The following NXPE3 variants were observed in gnomAD, a reference collection of about 807,000 sequenced individuals.
NXPE3 encodes NXPE family member 3.
NXPE3 carries 26 observed loss-of-function variants against 46.1 expected under a neutral mutation model. That is an observed-to-expected ratio of 0.56 (90% confidence interval 0.41 to 0.78). NXPE3 has a LOEUF of 0.78. Ranked by LOEUF, NXPE3 falls within the 30% of genes least tolerant of loss-of-function variation. The pLI is 0.00. For missense variants in NXPE3, 620 were observed against 686.0 expected (o/e 0.90, Z 1.07); for synonymous variants, 272 against 257.9 (o/e 1.05, Z -0.52).
intron 4 of NXPE3, among the ~76,000 whole-genome samples, chr3:101,794,973 A>G (rs534122260): frequency 2.0e-5 from 3 of 152,314 alleles, no homozygotes; most frequent in Admixed American, 2.0e-4. Flanking sequence ...GGAGTGAGCT[A>G]TAAGCATTTT....
At position 101,782,122 on chromosome 3, in the gene NXPE3, T is replaced by C. The variant is rs1468470780; in HGVS notation, c.-485T>C. On this transcript the variant is annotated 5_prime_UTR_variant, in exon 2 of 8. Transcript: ENST00000273347. ...ATTTTTGTTTCAGCAAGAAGAATTG[T>C]ATAGAAATGTAAAAAACATTTATGT... 2 of 152,270 alleles carry C rather than the reference T, an allele frequency of 1.3e-5. No homozygotes were observed. The highest frequency in any genetic ancestry group is 3.9e-4 in the East Asian group (2 of 5,194). 9.4% of individuals were successfully genotyped at this position (152,270 alleles called of 1,614,324 possible).
intron 7 of NXPE3, among the ~76,000 whole-genome samples, chr3:101,820,259 A>G (rs1942186866): frequency 6.6e-6 from 1 of 152,244 alleles, no homozygotes; most frequent in African/African-American, 2.4e-5. Flanking sequence ...ACAGCCAACA[A>G]ACATATGAAG....
At chr3:101,801,199 A>T in intron 4 of NXPE3, 36 bp from the exon 5 acceptor site, 1 of 1,563,754 alleles carries the variant, frequency 6.4e-7, no homozygotes, top group Middle Eastern at 1.7e-4. Flanking sequence ...GACCTATTAT[A>T]GTGGTAATTT....
At chr3:101,815,487 C>G (rs1665749948) in intron 6 of NXPE3, among the ~76,000 whole-genome samples, 1 of 152,218 alleles carries the variant, frequency 6.6e-6, no homozygotes, top group Admixed American at 6.5e-5. Context: ...AAACTGTTCT[C>G]TTCTGGGAGA....
intron 1 of NXPE3, among the ~76,000 whole-genome samples, chr3:101,780,369 G>A (rs1939741867): frequency 6.6e-6 from 1 of 152,174 alleles, no homozygotes; most frequent in South Asian, 2.1e-4. Context: ...AGGAAACGAA[G>A]GGATAAATCA....
chr3:101,802,000 C>G lies in NXPE3; in HGVS notation c.848+11C>G, dbSNP rs773138681. ...TGCTTTCTTCCAGAGGTATGTACTG[C>G]TTTTTCTTGGGGATGATTTGAAGAG... is the stretch of plus-strand genomic sequence containing the variant. On this transcript the variant is annotated intron_variant, in intron 5 of 7. Transcript: ENST00000273347. 7 of 1,575,324 alleles carry G rather than the reference C, an allele frequency of 4.4e-6. No individual in the cohort carries two copies. The Admixed American group carries it at 1.1e-4, about 26-fold the overall frequency.
chr3:101,819,403 TAGAG>T, intron 7 of NXPE3, among the ~76,000 whole-genome samples: 1 of 152,092 alleles, frequency 6.6e-6, no homozygotes, highest in Non-Finnish European at 1.5e-5. Flanking sequence ...AAATACAACT[TAGAG>T]GGAGAAAAGG....
intron 6 of NXPE3, among the ~76,000 whole-genome samples, chr3:101,811,683 A>G (rs1941712027): frequency 6.8e-6 from 1 of 147,488 alleles, no homozygotes. Context: ...TTTAGGAGGT[A>G]TGGCCAATGA....
At chr3:101,820,702 T>C (rs571530238) in intron 7 of NXPE3, among the ~76,000 whole-genome samples, 1 of 152,300 alleles carries the variant, frequency 6.6e-6, no homozygotes, top group South Asian at 2.1e-4. Flanking sequence ...AGCCATAAAA[T>C]TGAGATAATA....
chr3:101,815,301 A>G (rs1461254198), intron 6 of NXPE3, among the ~76,000 whole-genome samples: 1 of 152,232 alleles, frequency 6.6e-6, no homozygotes, highest in African/African-American at 2.4e-5. Context: ...ATTGTCTGCC[A>G]TTAGTTTGTT....
intron 5 of NXPE3, among the ~76,000 whole-genome samples, chr3:101,802,602 A>G (rs1002621635): frequency 2.6e-5 from 4 of 152,034 alleles, no homozygotes; most frequent in African/African-American, 7.3e-5. Context: ...TTAAAAAACT[A>G]TGAATATGGC....
chr3:101,810,382 G>A (rs1166179357), intron 6 of NXPE3, among the ~76,000 whole-genome samples: 1 of 152,218 alleles, frequency 6.6e-6, no homozygotes, highest in Non-Finnish European at 1.5e-5. Flanking sequence ...ACATTTGTGT[G>A]TATCTTTGTA....
intron 6 of NXPE3, among the ~76,000 whole-genome samples, chr3:101,812,355 G>A (rs1941750689): frequency 6.6e-6 from 1 of 152,060 alleles, no homozygotes; most frequent in Non-Finnish European, 1.5e-5. Flanking sequence ...CCCATGTTCT[G>A]CATATAAAAC....
Position 101,825,236 on chromosome 3 carries a change from T to C in NXPE3, c.*3282T>C, listed in dbSNP as rs976886650. 6.6e-6 allele frequency: 1 copy of C among 152,228 alleles called. No homozygotes were observed. The highest frequency in any genetic ancestry group is 1.5e-5 in the Non-Finnish European group (1 of 68,044). The allele number at this position is 152,228 out of a possible 1,614,324, so 9.4% of individuals were successfully genotyped here. On this transcript the variant is annotated 3_prime_UTR_variant, in exon 8 of 8. Transcript: ENST00000273347. Reference sequence around the variant, plus strand: ...GTTCTCATCATTTAGCTCTCACTTATCAGTGAGAACAACTTTCATCCCACA... The same window carrying C: ...GTTCTCATCATTTAGCTCTCACTTACCAGTGAGAACAACTTTCATCCCACA...
chr3:101,781,563 CTT>C (rs1221409979), intron 1 of NXPE3: 1 of 152,192 alleles, frequency 6.6e-6, no homozygotes, highest in Non-Finnish European at 1.5e-5. Flanking sequence ...TGGCAGAACA[CTT>C]CCAACAAATA....
chr3:101,796,742 A>G (rs927359378), intron 4 of NXPE3, among the ~76,000 whole-genome samples: 22 of 152,346 alleles, frequency 1.4e-4, no homozygotes, highest in Admixed American at 3.3e-4. Context: ...GAGATTCTTT[A>G]AAGTGAAAAT....
intron 7 of NXPE3, among the ~76,000 whole-genome samples, chr3:101,819,645 CAG>C (rs1229230918): frequency 1.3e-5 from 2 of 152,058 alleles, no homozygotes; most frequent in Non-Finnish European, 2.9e-5. Context: ...TTTTAATCAA[CAG>C]ATAAGTATAT....
rs1942480595 is a variant in NXPE3, at chr3:101,826,226, A to C, written c.*4272A>C. On this transcript the variant is annotated 3_prime_UTR_variant, in exon 8 of 8. Coordinates refer to ENST00000273347, the MANE Select transcript of NXPE3 (RefSeq NM_145037.4). ...TATATATTCATGTGTTACATGCCAG[A>C]AATGAGTCTGTTTCTGGACCCTGTT... is the stretch of plus-strand genomic sequence containing the variant. 1 of 152,208 alleles carries C rather than the reference A, an allele frequency of 6.6e-6. No individual in the cohort carries two copies. Among genetic ancestry groups the C allele is most frequent in the Non-Finnish European group, 1.5e-5 (1 of 68,024 alleles). The allele number at this position is 152,208 out of a possible 1,614,324, so 9.4% of individuals were successfully genotyped here. A position where few individuals can be genotyped will look rare whatever the true frequency, so the allele number is the denominator to read the frequency against.
intron 5 of NXPE3, among the ~76,000 whole-genome samples, chr3:101,806,769 C>T (rs1337468155): frequency 6.6e-6 from 1 of 152,152 alleles, no homozygotes; most frequent in Non-Finnish European, 1.5e-5. Flanking sequence ...AAGGGGAGTA[C>T]ATAATTCAAA....
Sources: allele counts gnomAD v4.1 joint callset (sites outside exome capture counted in the v4.1 genomes callset), GRCh38; gene constraint gnomAD v4.1.1; transcripts MANE v1.5; gene names NCBI Gene and HGNC (gene_info 2026-07-23, HGNC 2026-07-21).